Variants in RAD51B observed in about 807,000 individuals in gnomAD.
RAD51B encodes the protein RAD51 paralog B, also known as DNA repair protein RAD51 homolog 2.
A neutral mutation model predicts 42.2 loss-of-function variants in RAD51B; 38 were observed. The ratio of observed to expected loss-of-function variants is 0.90; its 90% CI spans 0.70 to 1.18. The LOEUF (loss-of-function observed/expected upper bound fraction) is 1.18, where lower values mean the gene tolerates loss of function less well. RAD51B is among the 50% of genes most tolerant of loss of function. The pLI is 0.00. For synonymous variants in RAD51B, 154 were observed against 145.2 expected (o/e 1.06, Z -0.43); for missense variants, 373 against 400.7 (o/e 0.93, Z 0.59).
intron 7 of RAD51B, among the ~76,000 whole-genome samples, chr14:67,892,635 T>C (rs1474204331): frequency 1.3e-5 from 2 of 152,212 alleles, no homozygotes; most frequent in Non-Finnish European, 2.9e-5. Flanking sequence ...GCCTGAGGAC[T>C]TGAGCCACAG....
intron 7 of RAD51B, among the ~76,000 whole-genome samples, chr14:67,926,040 C>A (rs570854360): frequency 6.6e-6 from 1 of 152,206 alleles, no homozygotes; most frequent in Non-Finnish European, 1.5e-5. Flanking sequence ...GTAGGAGGGG[C>A]TCCCATGAAG....
At chr14:68,213,353 T>C (rs1415920247) in intron 7 of RAD51B, among the ~76,000 whole-genome samples, 1 of 152,226 alleles carries the variant, frequency 6.6e-6, no homozygotes, top group Non-Finnish European at 1.5e-5. Flanking sequence ...CTAAGTCATT[T>C]ACCCAAGTCC....
At chr14:67,877,142 C>A (rs1401053641) in intron 5 of RAD51B, among the ~76,000 whole-genome samples, 5 of 151,896 alleles carry the variant, frequency 3.3e-5, no homozygotes, top group Non-Finnish European at 7.4e-5. Flanking sequence ...GGGATGCTAG[C>A]CATTCTGTAA....
chr14:68,162,654 G>A (rs999942106), intron 7 of RAD51B, among the ~76,000 whole-genome samples: 1 of 151,948 alleles, frequency 6.6e-6, no homozygotes, highest in African/African-American at 2.4e-5. Flanking sequence ...GTGTGGTGGC[G>A]GGCGCCTGTA....
chr14:68,449,883 G>A (rs979497178), intron 9 of RAD51B, among the ~76,000 whole-genome samples: 4 of 152,034 alleles, frequency 2.6e-5, no homozygotes, highest in Admixed American at 6.6e-5. Flanking sequence ...AGAAGAACTC[G>A]GTCTGAATAT....
chr14:68,382,122 T>C lies in RAD51B; in HGVS notation c.854-29302T>C, dbSNP rs2083490859. Reference sequence around the variant, plus strand: ...GGCCATTTATTTAGCTCTGGCCAGTTGGTTTATCTAGCCTGACATTTCTCA... The same window carrying C: ...GGCCATTTATTTAGCTCTGGCCAGTCGGTTTATCTAGCCTGACATTTCTCA... On this transcript the variant is annotated intron_variant, in intron 8 of 10. Coordinates refer to ENST00000471583, the MANE Select transcript of RAD51B (RefSeq NM_133510.4). Among the ~76,000 whole-genome samples the C allele has an allele frequency of 2.6e-5, 4 of 152,356 alleles. No individual in the cohort carries two copies. In the South Asian group the frequency reaches 8.3e-4, roughly 32 times the overall value.
At chr14:68,196,262 A>G (rs923324425) in intron 7 of RAD51B, among the ~76,000 whole-genome samples, 2 of 152,052 alleles carry the variant, frequency 1.3e-5, no homozygotes, top group Non-Finnish European at 2.9e-5. Flanking sequence ...TCACTTTATG[A>G]TCCATTAATG....
intron 7 of RAD51B, among the ~76,000 whole-genome samples, chr14:68,184,217 AG>A (rs2079110757): frequency 1.3e-5 from 2 of 152,014 alleles, no homozygotes; most frequent in African/African-American, 4.8e-5. Context: ...CAAGAGTGCA[AG>A]GTTATAGTGA....
At chr14:68,280,768 A>G (rs1460362064) in intron 7 of RAD51B, among the ~76,000 whole-genome samples, 1 of 152,182 alleles carries the variant, frequency 6.6e-6, no homozygotes, top group Non-Finnish European at 1.5e-5. Context: ...AAGTCAGGGT[A>G]TTATCTAGGG....
chr14:68,471,370 G>A (rs1227160992), intron 10 of RAD51B, among the ~76,000 whole-genome samples: 2 of 152,158 alleles, frequency 1.3e-5, no homozygotes, highest in Non-Finnish European at 2.9e-5. Context: ...TGCTAGCCCG[G>A]AGATTTTATA....
At chr14:68,035,453 C>A (rs1023161023) in intron 7 of RAD51B, among the ~76,000 whole-genome samples, 1 of 151,932 alleles carries the variant, frequency 6.6e-6, no homozygotes, top group African/African-American at 2.4e-5. Flanking sequence ...AACATGAATA[C>A]CCCCAGTTTT....
intron 7 of RAD51B, among the ~76,000 whole-genome samples, chr14:67,955,476 G>A (rs2074528257): frequency 6.6e-6 from 1 of 152,130 alleles, no homozygotes; most frequent in Non-Finnish European, 1.5e-5. Flanking sequence ...GCATGGTTTT[G>A]TATGACACAG....
Position 68,291,826 on chromosome 14 carries a change from G to T in RAD51B, c.757-58G>T. The T allele has an allele frequency of 4.6e-6, 6 of 1,295,584 alleles. No homozygotes were observed. The South Asian group carries it at 6.0e-5, about 13-fold the overall frequency. 80.3% of individuals were successfully genotyped at this position (1,295,584 alleles called of 1,614,324 possible). A position where few individuals can be genotyped will look rare whatever the true frequency, so the allele number is the denominator to read the frequency against. On this transcript the variant is annotated intron_variant, in intron 7 of 10. Coordinates refer to ENST00000471583, the MANE Select transcript of RAD51B (RefSeq NM_133510.4). ...TTTTGATAGCTCTAATAATTAATTT[G>T]GTCTTCCCTGTCTTTCTTCTCCCTT...
At chr14:68,573,166 C>T (rs1889795610) in intron 10 of RAD51B, among the ~76,000 whole-genome samples, 1 of 152,196 alleles carries the variant, frequency 6.6e-6, no homozygotes, top group African/African-American at 2.4e-5. Context: ...TCAGAGCCTT[C>T]CAGCAGTTCT....
chr14:68,648,137 ATATATATATACACACACG>A (rs1566963640), intron 10 of RAD51B, among the ~76,000 whole-genome samples: 26 of 119,466 alleles, frequency 2.2e-4, no homozygotes, highest in African/African-American at 5.6e-4. Flanking sequence ...ACACACGTAT[ATATATATATACACACACG>A]TATATATATA....
rs182763686 is a variant in RAD51B, at chr14:68,497,582, G to A, written c.1036+29332G>A. The A allele has an allele frequency of 7.7e-5, 75 of 969,646 alleles. No individual in the cohort carries two copies. In the East Asian group the frequency reaches 1.9e-3, roughly 25 times the overall value. 60.1% of individuals were successfully genotyped at this position (969,646 alleles called of 1,614,324 possible). A position where few individuals can be genotyped will look rare whatever the true frequency, so the allele number is the denominator to read the frequency against. ...TAACCATTTTAAAGTAAACAATTCC[G>A]TGGCAACTAGATATCATGATGTGCA... On this transcript the variant is annotated intron_variant, in intron 10 of 10. Transcript: ENST00000487270.
chr14:68,585,702 C>A (rs1284458151), intron 10 of RAD51B, among the ~76,000 whole-genome samples: 2 of 152,172 alleles, frequency 1.3e-5, no homozygotes, highest in African/African-American at 4.8e-5. Flanking sequence ...GGGTGTCCTG[C>A]TCACTGCAAG....
chr14:68,307,819 AG>A (rs923715971), intron 8 of RAD51B, among the ~76,000 whole-genome samples: 2 of 152,264 alleles, frequency 1.3e-5, no homozygotes, highest in African/African-American at 4.8e-5. Context: ...TCTGTAAGCT[AG>A]TATCAAATCA....
At chr14:68,382,048 C>G (rs1269051470) in intron 8 of RAD51B, among the ~76,000 whole-genome samples, 1 of 152,146 alleles carries the variant, frequency 6.6e-6, no homozygotes. Context: ...GAGAAAAGAC[C>G]TAGGAAGAAC....
Sources: allele counts gnomAD v4.1 joint callset (sites outside exome capture counted in the v4.1 genomes callset), GRCh38; gene constraint gnomAD v4.1.1; transcripts MANE v1.5; gene names NCBI Gene and HGNC (gene_info 2026-07-23, HGNC 2026-07-21).